ROBO1: variants seen among roughly 807,000 people sequenced by gnomAD.
ROBO1 encodes the protein roundabout guidance receptor 1.
A neutral mutation model predicts 195.9 loss-of-function variants in ROBO1; 149 were observed. The ratio of observed to expected loss-of-function variants is 0.76; its 90% confidence interval spans 0.67 to 0.87. ROBO1 has a LOEUF of 0.87. Among genes scored for constraint, ROBO1 ranks in the 40% least tolerant of loss-of-function variants. The pLI is 0.00. For missense variants in ROBO1, 1,933 were observed against 2,068.3 expected, an observed-to-expected ratio of 0.93 and a Z score of 1.27; for synonymous variants, 816 against 733.2, an observed-to-expected ratio of 1.11 and a Z score of -1.82.
chr3:79,623,557 A>C (rs1945077002), intron 1 of ROBO1, among the ~76,000 whole-genome samples: 1 of 152,230 alleles, frequency 6.6e-6, no homozygotes, highest in Non-Finnish European at 1.5e-5. Flanking sequence ...ATACATAAGA[A>C]TCAACAGTTG....
At chr3:79,139,174 T>C (rs1386294833) in intron 2 of ROBO1, among the ~76,000 whole-genome samples, 1 of 151,576 alleles carries the variant, frequency 6.6e-6, no homozygotes, top group Non-Finnish European at 1.5e-5. Context: ...TATGTATATA[T>C]AAAACAATTC....
intron 2 of ROBO1, among the ~76,000 whole-genome samples, chr3:79,401,272 A>C (rs900266851): frequency 6.6e-6 from 1 of 151,822 alleles, no homozygotes; most frequent in African/African-American, 2.4e-5. Flanking sequence ...TTTATTTATT[A>C]AGGATCTAAG....
intron 4 of ROBO1, among the ~76,000 whole-genome samples, chr3:78,866,980 G>A (rs1357901731): frequency 2.0e-5 from 3 of 152,130 alleles, no homozygotes; most frequent in African/African-American, 7.2e-5. Flanking sequence ...AACCAAGAAT[G>A]CGATTACAAG....
intron 3 of ROBO1, among the ~76,000 whole-genome samples, chr3:79,107,127 T>A (rs13093507): frequency 0.095 from 13,002 of 136,308 alleles, 684 homozygotes; most frequent in East Asian, 0.18. Context: ...TCTCTCTCTC[T>A]CACACACACA....
At chr3:79,255,956 G>A (rs2082825782) in intron 2 of ROBO1, among the ~76,000 whole-genome samples, 1 of 152,162 alleles carries the variant, frequency 6.6e-6, no homozygotes, top group African/African-American at 2.4e-5. Flanking sequence ...TTAGCCTGAG[G>A]CTCTTTCAGG....
chr3:79,400,713 T>C (rs1157291673), intron 2 of ROBO1, among the ~76,000 whole-genome samples: 1 of 151,978 alleles, frequency 6.6e-6, no homozygotes, highest in Non-Finnish European at 1.5e-5. Context: ...TAGATTATAT[T>C]AGGAGGAGAT....
intron 4 of ROBO1, among the ~76,000 whole-genome samples, chr3:78,812,442 A>T (rs1174824749): frequency 1.3e-5 from 2 of 152,140 alleles, no homozygotes; most frequent in Non-Finnish European, 1.5e-5. Flanking sequence ...CTTTTTGGAT[A>T]ATGGATACCT....
intron 4 of ROBO1, among the ~76,000 whole-genome samples, chr3:78,917,366 A>G (rs886210861): frequency 2.0e-5 from 3 of 152,030 alleles, no homozygotes; most frequent in African/African-American, 7.2e-5. Context: ...TTAAATGACT[A>G]TTTACTTATT....
chr3:79,298,693 C>A (rs1364789544), intron 2 of ROBO1, among the ~76,000 whole-genome samples: 2 of 151,908 alleles, frequency 1.3e-5, no homozygotes, highest in African/African-American at 2.4e-5. Context: ...AGTAGAAAAA[C>A]CAAGTTTTAA....
chr3:79,331,191 G>T (rs2034425415), intron 2 of ROBO1, among the ~76,000 whole-genome samples: 2 of 152,140 alleles, frequency 1.3e-5, no homozygotes, highest in Admixed American at 1.3e-4. Flanking sequence ...GCATAAATAA[G>T]TTATGACCTC....
intron 23 of ROBO1, chr3:78,634,399 T>C (rs1213478213): frequency 4.6e-6 from 1 of 218,452 alleles, no homozygotes; most frequent in Non-Finnish European, 1.0e-5. Context: ...ACAAATATCT[T>C]AATTTGCCCC....
intron 1 of ROBO1, among the ~76,000 whole-genome samples, chr3:79,673,552 C>G (rs1946692911): frequency 6.6e-6 from 1 of 151,868 alleles, no homozygotes; most frequent in Non-Finnish European, 1.5e-5. Context: ...TATTAGAAAG[C>G]CCTTTTTGTG....
chr3:78,960,378 G>A (rs900086978), intron 3 of ROBO1, among the ~76,000 whole-genome samples: 1 of 148,964 alleles, frequency 6.7e-6, no homozygotes, highest in African/African-American at 2.5e-5. Flanking sequence ...ATATTATATA[G>A]CAATATGTAT....
chr3:79,524,241 T>A (rs1239423550), intron 2 of ROBO1, among the ~76,000 whole-genome samples: 1 of 151,840 alleles, frequency 6.6e-6, no homozygotes, highest in Non-Finnish European at 1.5e-5. Context: ...ATAATATAAA[T>A]AAAATTATAA....
intron 2 of ROBO1, among the ~76,000 whole-genome samples, chr3:79,314,388 A>C (rs879722092): frequency 6.6e-6 from 1 of 152,096 alleles, no homozygotes; most frequent in Non-Finnish European, 1.5e-5. Context: ...TGCTGTTCTC[A>C]TGATAGTGAG....
In ROBO1 at chr3:78,641,729, A is replaced by T. The variant is rs149948254; in HGVS notation, c.2883-1831T>A. ...AATATGGGCCAAGAGGAGATTTTCC[A>T]CAGACTGACTTACATGTTTCAAAAG... On this transcript the variant is annotated intron_variant, in intron 21 of 30. Transcript: ENST00000464233. Among the ~76,000 whole-genome samples, 429 of 152,290 alleles carry T rather than the reference A, an allele frequency of 2.8e-3. 2 individuals are homozygous for T. Among genetic ancestry groups the T allele is most frequent in the African/African-American group, 8.6e-3 (356 of 41,570 alleles).
intron 1 of ROBO1, among the ~76,000 whole-genome samples, chr3:79,703,615 T>C (rs1947683129): frequency 1.3e-5 from 2 of 151,936 alleles, no homozygotes; most frequent in Admixed American, 1.3e-4. Context: ...TAATGCCATG[T>C]CTCCATTTTT....
At position 78,775,813 on chromosome 3, in the gene ROBO1, T is replaced by G. The variant is rs534779433; in HGVS notation, c.500-28913A>C. Reference sequence around the variant, plus strand: ...TTTTGGCCTTTGATTGAAAACTGCTTTTCTCCCAGTTGCCTTAGCTGTTGA... The same window carrying G: ...TTTTGGCCTTTGATTGAAAACTGCTGTTCTCCCAGTTGCCTTAGCTGTTGA... On this transcript the variant is annotated intron_variant, in intron 4 of 30. Coordinates refer to ENST00000464233, the MANE Select transcript of ROBO1 (RefSeq NM_002941.4). Among the ~76,000 whole-genome samples the G allele has an allele frequency of 2.6e-5, 4 of 152,300 alleles. No individual in the cohort carries two copies. The South Asian group carries it at 8.3e-4, about 32-fold the overall frequency.
chr3:79,038,180 T>C (rs148751344), intron 3 of ROBO1, among the ~76,000 whole-genome samples: 1 of 151,984 alleles, frequency 6.6e-6, no homozygotes, highest in East Asian at 1.9e-4. Context: ...TTTAGTAGAG[T>C]CTCATCTCTG....
Sources: gnomAD v4.1 joint callset for allele counts (sites outside exome capture counted in the v4.1 genomes callset) on GRCh38, gnomAD v4.1.1 for gene constraint, MANE v1.5 for transcripts, NCBI Gene and HGNC (gene_info 2026-07-23, HGNC 2026-07-21) for gene names.